CEP76: variants seen among roughly 807,000 people sequenced by gnomAD.
The protein encoded by CEP76 is centrosomal protein 76, also known as centrosomal protein of 76 kDa.
A neutral mutation model predicts 83.3 loss-of-function variants in CEP76; 55 were observed. That is an observed-to-expected ratio of 0.66 (90% confidence interval 0.53 to 0.83). The LOEUF is 0.83. Among genes scored for constraint, CEP76 ranks in the 40% least tolerant of loss-of-function variants. The pLI is 0.00. For missense variants in CEP76, 694 were observed against 799.5 expected, an observed-to-expected ratio of 0.87 and a Z score of 1.59; for synonymous variants, 270 against 274.5, an observed-to-expected ratio of 0.98 and a Z score of 0.16.
chr18:12,684,948 T>A (rs2039487402), intron 8 of CEP76: 1 of 152,140 alleles, frequency 6.6e-6, no homozygotes, highest in South Asian at 2.1e-4. Context: ...CTAAATAGCA[T>A]GCAATTCAAG....
In CEP76 at chr18:12,685,600, C is replaced by A. The variant is rs574708105; in HGVS notation, c.1122+662G>T. On this transcript the variant is annotated intron_variant, in intron 8 of 11. Transcript: ENST00000262127. ...GGTTAGTTCCAGGACCCTTGCAAAA[C>A]AAAATCCGTGGATACTCAAGGCTTA... The A allele has an allele frequency of 2.0e-5, 3 of 151,838 alleles. No homozygotes were observed. The South Asian group carries it at 6.2e-4, about 32-fold the overall frequency. The allele number at this position is 151,838 out of a possible 1,614,324, so 9.4% of individuals were successfully genotyped here.
At chr18:12,669,807 C>T (rs1016996465), downstream of CEP76, among the ~76,000 whole-genome samples, 1 of 151,842 alleles carries the variant, frequency 6.6e-6, no homozygotes, top group African/African-American at 2.4e-5. Context: ...TTGAGACCCT[C>T]CTGACCAACA....
chr18:12,690,384 A>G (rs561653209), intron 7 of CEP76, among the ~76,000 whole-genome samples: 56 of 152,210 alleles, frequency 3.7e-4, no homozygotes, highest in Non-Finnish European at 6.0e-4. Context: ...CATCTGTATG[A>G]GGCTGAATAT....
intron 7 of CEP76, among the ~76,000 whole-genome samples, chr18:12,687,195 C>A (rs1323233274): frequency 6.6e-6 from 1 of 152,150 alleles, no homozygotes; most frequent in Admixed American, 6.6e-5. Context: ...ATGACCTACC[C>A]TCCCTGATAG....
At position 12,700,183 on chromosome 18, in the gene CEP76, C is replaced by A. The variant is rs1467948846; in HGVS notation, c.220-278G>T. On this transcript the variant is annotated intron_variant, in intron 2 of 11. Coordinates refer to ENST00000262127, the MANE Select transcript of CEP76 (RefSeq NM_024899.4). ...AAAAACAAATCCTTAATACCTTCAA[C>A]AAGGTTAAACTTTCTGTAAACCTTA... The A allele has an allele frequency of 1.8e-5, 4 of 223,556 alleles. No individual in the cohort carries two copies. In the East Asian group the frequency reaches 3.5e-4, roughly 20 times the overall value. 13.8% of individuals were successfully genotyped at this position (223,556 alleles called of 1,614,324 possible).
intron 10 of CEP76, 69 bp from the exon 11 acceptor site, chr18:12,674,822 T>C (rs2039064713): frequency 1.0e-6 from 1 of 973,182 alleles, no homozygotes; most frequent in Non-Finnish European, 1.5e-6. Flanking sequence ...TAAATAAAAA[T>C]GTTGATTATT....
chr18:12,674,664 A>G lies in CEP76; in HGVS notation c.1713T>C (p.Ser571=). 6.2e-7 allele frequency: 1 copy of G among 1,614,022 alleles called. No homozygotes were observed. Among genetic ancestry groups the G allele is most frequent in the Non-Finnish European group, 8.5e-7 (1 of 1,179,956 alleles). ...GAAATTCTTCATTGCCTGCTGATAT[A>G]CTTGTTGTACGCTCAAATTCATAAG... ...LASYEFERTT[S]ISAGNEEFQD... Residue 571 remains serine (S), a synonymous_variant, in exon 11 of 12, where the codon AGT becomes AGC. Coordinates refer to ENST00000262127, the MANE Select transcript of CEP76 (RefSeq NM_024899.4).
In CEP76 at chr18:12,699,054, A is replaced by G; in HGVS notation, c.445T>C (p.Ser149Pro). The change falls in exon 4 of 12, where the codon TCT becomes CCT. Residue 149 changes from serine (S) to proline (P), a missense_variant. Ser to Pro is a moderately conservative substitution (Grantham distance 74). Transcript: ENST00000262127. Reference sequence around the variant, plus strand: ...TCACAGGCACATGGAACAGGTTTAGAACGAAAACGTTGGTTTCGATAATGT... The same window carrying G: ...TCACAGGCACATGGAACAGGTTTAGGACGAAAACGTTGGTTTCGATAATGT... ...CLHYRNQRFR[S>P]KPVPCACEPD... 6.2e-7 allele frequency: 1 copy of G among 1,614,178 alleles called. No individual in the cohort carries two copies. Among genetic ancestry groups the G allele is most frequent in the Non-Finnish European group, 8.5e-7 (1 of 1,180,010 alleles).
chr18:12,662,842 T>C (rs1286766117), intron 12 of CEP76, among the ~76,000 whole-genome samples: 1 of 152,196 alleles, frequency 6.6e-6, no homozygotes, highest in Non-Finnish European at 1.5e-5. Context: ...TGAACAATAG[T>C]GTATCAATGG....
intron 7 of CEP76, among the ~76,000 whole-genome samples, chr18:12,687,975 G>A (rs992213315): frequency 2.0e-5 from 3 of 151,882 alleles, no homozygotes; most frequent in African/African-American, 7.3e-5. Flanking sequence ...TGGGCACGGT[G>A]GCTCACGCCT....
At chr18:12,700,490 T>C (rs2145114533) in intron 2 of CEP76, 2 of 153,872 alleles carry the variant, frequency 1.3e-5, no homozygotes, top group East Asian at 3.8e-4. Flanking sequence ...CATCCCATTA[T>C]TGACCTATTT....
intron 3 of CEP76, 102 bp from the exon 4 acceptor site, chr18:12,699,305 C>G (rs751137208): frequency 4.8e-5 from 37 of 771,140 alleles, no homozygotes; most frequent in Admixed American, 8.4e-5. Flanking sequence ...AACCCAATAC[C>G]AAAGACTAAA....
intron 12 of CEP76, among the ~76,000 whole-genome samples, chr18:12,667,616 C>G (rs1008071183): frequency 6.6e-6 from 1 of 151,654 alleles, no homozygotes; most frequent in Non-Finnish European, 1.5e-5. Context: ...CAAAAATTAG[C>G]CGGGCGTGGT....
At chr18:12,683,908 A>G (rs2039444651) in intron 8 of CEP76, among the ~76,000 whole-genome samples, 1 of 151,768 alleles carries the variant, frequency 6.6e-6, no homozygotes, top group African/African-American at 2.4e-5. Context: ...AAAAAGAAAT[A>G]ATAAACTAGG....
chr18:12,683,192 A>AAAAAAAAAAAAAAAAAAAAAAAAAAAC (rs2039412498), intron 8 of CEP76, among the ~76,000 whole-genome samples: 1 of 146,392 alleles, frequency 6.8e-6, no homozygotes, highest in Non-Finnish European at 1.5e-5. Context: ...ATACCAAAAA[A>AAAAAAAAAAAAAAAAAAAAAAAAAAAC]AAAAAAAAAA....
At chr18:12,668,223 C>T (rs2038844886), downstream of CEP76, among the ~76,000 whole-genome samples, 1 of 152,034 alleles carries the variant, frequency 6.6e-6, no homozygotes, top group Non-Finnish European at 1.5e-5. Flanking sequence ...TGAGATTGCA[C>T]CACTGCACTC....
Position 12,697,326 on chromosome 18 carries a change from T to G in CEP76, c.603A>C (p.Ile201=). 1.2e-6 allele frequency: 2 copies of G among 1,613,900 alleles called. No individual in the cohort carries two copies. Among genetic ancestry groups the G allele is most frequent in the East Asian group, 4.5e-5 (2 of 44,846 alleles). The change falls in exon 5 of 12, where the codon ATA becomes ATC. Residue 201 remains isoleucine, a synonymous_variant. Transcript: ENST00000262127. ...ATGCTACTAAAGTCGTCTCACCAAA[T>G]ATGTCTGTTTTGATTAGCACCATAT... ...PIHMVLIKTD[I]FGETTLVASY... is the part of the protein sequence containing the mutation.
At chr18:12,682,993 T>C (rs1322550677) in intron 8 of CEP76, among the ~76,000 whole-genome samples, 1 of 151,896 alleles carries the variant, frequency 6.6e-6, no homozygotes, top group Non-Finnish European at 1.5e-5. Context: ...AATAAAAATA[T>C]CTGCAAAGAT....
chr18:12,672,325 A>G (rs2038969700), downstream of CEP76, among the ~76,000 whole-genome samples: 1 of 152,056 alleles, frequency 6.6e-6, no homozygotes, highest in South Asian at 2.1e-4. Flanking sequence ...CATGTTGCCC[A>G]GGCTGGTCAC....
Sources: gnomAD v4.1 joint callset for allele counts (sites outside exome capture counted in the v4.1 genomes callset) on GRCh38, gnomAD v4.1.1 for gene constraint, MANE v1.5 for transcripts, NCBI Gene and HGNC (gene_info 2026-07-23, HGNC 2026-07-21) for gene names.